CST9: variants seen among roughly 807,000 people sequenced by gnomAD.
CST9 encodes cystatin-9.
In CST9, 11 loss-of-function variants were observed where a neutral mutation model predicts 7.7. The ratio of observed to expected loss-of-function variants is 1.44; its 90% confidence interval spans 0.90 to 2.38. The LOEUF (loss-of-function observed/expected upper bound fraction) is 2.38. Among genes scored for constraint, CST9 ranks in the 30% most tolerant of loss-of-function variants. The pLI is 0.00. For synonymous variants in CST9, 71 were observed against 74.3 expected, an observed-to-expected ratio of 0.96 and a Z score of 0.23; for missense variants, 214 against 199.1, an observed-to-expected ratio of 1.07 and a Z score of -0.45.
At chr20:23,605,574 GAGA>G in intron 1 of CST9, 33 bp downstream of exon 1, 1 of 1,600,352 alleles carries the variant, frequency 6.2e-7, no homozygotes, top group African/African-American at 1.3e-5. Context: ...GGGGCAGATG[GAGA>G]AGGACAGGCC....
Position 23,605,601 on chromosome 20 carries a change from G to T in CST9, c.255+9C>A. On this transcript the variant is annotated intron_variant, in intron 1 of 1. Coordinates refer to ENST00000376971, the MANE Select transcript of CST9 (RefSeq NM_001008693.3). Reference sequence around the variant, plus strand: ...GAAGGACAGGCCAGAAGAGGATGTGGTCACCAACCTTTCTGTCCATGCTAT... The same window carrying T: ...GAAGGACAGGCCAGAAGAGGATGTGTTCACCAACCTTTCTGTCCATGCTAT... 1 of 1,613,124 alleles carries T rather than the reference G, an allele frequency of 6.2e-7. No individual in the cohort carries two copies. Among genetic ancestry groups the T allele is most frequent in the Non-Finnish European group, 8.5e-7 (1 of 1,179,392 alleles).
At position 23,603,449 on chromosome 20, in the gene CST9, T is replaced by A; in HGVS notation, c.*61A>T. On this transcript the variant is annotated 3_prime_UTR_variant, in exon 2 of 2. Transcript: ENST00000376971. ...CCTGAAAGTGAACCCCTGGGCTTAA[T>A]GCCTCACTGGGCTTCCCACTAAGGC... 1 of 1,579,006 alleles carries A rather than the reference T, an allele frequency of 6.3e-7. No individual in the cohort carries two copies. Among genetic ancestry groups the A allele is most frequent in the South Asian group, 1.2e-5 (1 of 86,616 alleles).
Position 23,605,705 on chromosome 20 carries a change from C to A in CST9, c.160G>T (p.Ala54Ser), listed in dbSNP as rs768353296. The change falls in exon 1 of 2, where the codon GCC becomes TCC. Residue 54 changes from alanine to serine, a missense_variant. Ala to Ser is a moderately conservative substitution (Grantham distance 99). Transcript: ENST00000376971. ...DPMFLATVEFALNTFNVQSKE... is the reference protein window; with the variant it reads ...DPMFLATVEFSLNTFNVQSKE... The stretch of plus-strand genomic sequence containing the variant: ...CTCTGCACGTTGAAAGTGTTCAAGG[C>A]AAACTCCACTGTGGCGAGGAACATA... The A allele has an allele frequency of 2.5e-6, 4 of 1,614,204 alleles. No individual in the cohort carries two copies. The highest frequency in any genetic ancestry group is 1.1e-5 in the South Asian group (1 of 91,086).
chr20:23,604,505 C>G (rs768340439), intron 1 of CST9, among the ~76,000 whole-genome samples: 1 of 152,204 alleles, frequency 6.6e-6, no homozygotes, highest in African/African-American at 2.4e-5. Flanking sequence ...AGAATGGAGG[C>G]TTACACTGAG....
chr20:23,603,620 C>G lies in CST9; in HGVS notation c.370G>C (p.Val124Leu). The G allele has an allele frequency of 1.2e-6, 2 of 1,614,194 alleles. No homozygotes were observed. The highest frequency in any genetic ancestry group is 1.7e-6 in the Non-Finnish European group (2 of 1,180,034). Reference protein sequence around the residue: ...PFQESLELNNVRQGISFPQVH... With the variant: ...PFQESLELNNLRQGISFPQVH... ...TGAGGAAAGCTGATGCCCTGTCTTA[C>G]GTTGTTCAGCTCCAGGCTTTCTTGA... Residue 124 changes from valine to leucine, a missense_variant, in exon 2 of 2, where the codon GTA becomes CTA. By Grantham distance (32) the Val-to-Leu change is conservative. Coordinates refer to ENST00000376971, the MANE Select transcript of CST9 (RefSeq NM_001008693.3).
Position 23,602,915 on chromosome 20 carries a change from T to A in CST9, c.*595A>T, listed in dbSNP as rs1159196089. Reference sequence around the variant, plus strand: ...ACAACGTGATTTGAGGCTCCCTCCCTCCTTAGCCAGGGTCACTTGTGCCAT... The same window carrying A: ...ACAACGTGATTTGAGGCTCCCTCCCACCTTAGCCAGGGTCACTTGTGCCAT... On this transcript the variant is annotated 3_prime_UTR_variant, in exon 2 of 2. Transcript: ENST00000376971. 1 of 988,388 alleles carries A rather than the reference T, an allele frequency of 1.0e-6. No individual in the cohort carries two copies. Among genetic ancestry groups the A allele is most frequent in the Non-Finnish European group, 1.2e-6 (1 of 832,270 alleles). 61.2% of individuals were successfully genotyped at this position (988,388 alleles called of 1,614,324 possible).
chr20:23,605,866 A>T lies in CST9; in HGVS notation c.-2T>A. The T allele has an allele frequency of 6.2e-7, 1 of 1,613,976 alleles. No individual in the cohort carries two copies. The highest frequency in any genetic ancestry group is 8.5e-7 in the Non-Finnish European group (1 of 1,179,982). On this transcript the variant is annotated 5_prime_UTR_variant, in exon 1 of 2. Transcript: ENST00000376971. ...CTTCCTCCTCTGCGGACTCGACATG[A>T]TGCAGGCTCCAGCAGCCCTTGCCTT... is the stretch of plus-strand genomic sequence containing the variant.
Position 23,602,938 on chromosome 20 carries a change from C to T in CST9, c.*572G>A. The T allele has an allele frequency of 3.0e-6, 3 of 989,084 alleles. No homozygotes were observed. 61.3% of individuals were successfully genotyped at this position (989,084 alleles called of 1,614,324 possible). ...CCTCCTTAGCCAGGGTCACTTGTGC[C>T]ATGCCTCCTCCTCCAGCCCGTGCCC... On this transcript the variant is annotated 3_prime_UTR_variant, in exon 2 of 2. Coordinates refer to ENST00000376971, the MANE Select transcript of CST9 (RefSeq NM_001008693.3).
Position 23,603,725 on chromosome 20 carries a change from T to C in CST9, c.265A>G (p.Lys89Glu), listed in dbSNP as rs969902910. The change falls in exon 2 of 2, where the codon AAG becomes GAG. Residue 89 changes from lysine to glutamate, a missense_variant. Lys to Glu is a moderately conservative substitution (Grantham distance 56, BLOSUM62 1). Transcript: ENST00000376971. ...TGCAGATTCATGGAGAACACCATCT[T>C]ACCTCGCCACTGTTGGACAAAAGAA... The part of the protein sequence containing the change: ...EDSMDRKWRG[K>E]MVFSMNLQLR... The C allele has an allele frequency of 1.9e-6, 3 of 1,614,234 alleles. No individual in the cohort carries two copies. The highest frequency in any genetic ancestry group is 1.7e-6 in the Non-Finnish European group (2 of 1,180,028).
At chr20:23,604,111 A>G (rs1447685129) in intron 1 of CST9, among the ~76,000 whole-genome samples, 1 of 152,142 alleles carries the variant, frequency 6.6e-6, no homozygotes, top group South Asian at 2.1e-4. Flanking sequence ...TTGGATCTCC[A>G]AGAGTTTTCA....
intron 1 of CST9, among the ~76,000 whole-genome samples, 172 bp downstream of exon 1, chr20:23,605,438 T>TA (rs760632391): frequency 2.6e-5 from 4 of 152,260 alleles, no homozygotes; most frequent in South Asian, 4.1e-4. Context: ...TTACCTAATT[T>TA]AAAAAAAATT....
intron 1 of CST9, 130 bp downstream of exon 1, chr20:23,605,480 C>T (rs1411668198): frequency 3.8e-6 from 4 of 1,044,504 alleles, no homozygotes; most frequent in African/African-American, 3.2e-5. Context: ...ACTAAAACTA[C>T]CGTAATTGGT....
At chr20:23,604,107 C>T (rs553458355) in intron 1 of CST9, among the ~76,000 whole-genome samples, 4 of 152,300 alleles carry the variant, frequency 2.6e-5, no homozygotes, top group African/African-American at 9.6e-5. Context: ...GGTGTTGGAT[C>T]TCCAAGAGTT....
In CST9 at chr20:23,605,667, A is replaced by C; in HGVS notation, c.198T>G (p.His66Gln). The C allele has an allele frequency of 6.2e-7, 1 of 1,614,168 alleles. No homozygotes were observed. The highest frequency in any genetic ancestry group is 8.5e-7 in the Non-Finnish European group (1 of 1,180,018). The part of the protein sequence containing the change: ...NTFNVQSKEE[H>Q]AYRLLRVLSS... Reference sequence around the variant, plus strand: ...TCAGGACGCGCAACAGCCTGTAGGCATGCTCCTCCTTGCTCTGCACGTTGA... The same window carrying C: ...TCAGGACGCGCAACAGCCTGTAGGCCTGCTCCTCCTTGCTCTGCACGTTGA... The change falls in exon 1 of 2, where the codon CAT becomes CAG. Residue 66 changes from histidine to glutamine, a missense_variant. Transcript: ENST00000376971.
chr20:23,604,313 C>G (rs1309850780), intron 1 of CST9, among the ~76,000 whole-genome samples: 1 of 152,196 alleles, frequency 6.6e-6, no homozygotes, highest in Admixed American at 6.5e-5. Flanking sequence ...TGCCCTCCTT[C>G]CCACTCCATT....
rs1443827337 is a variant in CST9 at position 23,603,701 on chromosome 20, G to T, written c.289C>A (p.Gln97Lys). ...TTCCTACATACGGTTTGGCGCAGTT[G>T]CAGATTCATGGAGAACACCATCTTA... Reference protein sequence around the residue: ...RGKMVFSMNLQLRQTVCRKFE... With the variant: ...RGKMVFSMNLKLRQTVCRKFE... The change falls in exon 2 of 2, where the codon CAA (glutamine) becomes AAA (lysine). Residue 97 changes from glutamine to lysine, a missense_variant. Coordinates refer to ENST00000376971, the MANE Select transcript of CST9 (RefSeq NM_001008693.3). 8 of 1,614,252 alleles carry T rather than the reference G, an allele frequency of 5.0e-6. No homozygotes were observed. The highest frequency in any genetic ancestry group is 6.8e-6 in the Non-Finnish European group (8 of 1,180,054).
At chr20:23,603,755 A>G in intron 1 of CST9, 21 bp from the exon 2 acceptor site, 1 of 1,612,606 alleles carries the variant, frequency 6.2e-7, no homozygotes, top group Non-Finnish European at 8.5e-7. Context: ...AAAGAAGATT[A>G]AAGTGGATGC....
rs1289799291 is a variant in CST9, at chr20:23,603,342, G to A, written c.*168C>T. Reference sequence around the variant, plus strand: ...AGTGGGGAGGAAGACCAGAGAGAAGGTTCTGAAGGCCATGTGGCCCAGGTG... The same window carrying A: ...AGTGGGGAGGAAGACCAGAGAGAAGATTCTGAAGGCCATGTGGCCCAGGTG... On this transcript the variant is annotated 3_prime_UTR_variant, in exon 2 of 2. Transcript: ENST00000376971. The A allele has an allele frequency of 6.9e-7, 1 of 1,440,082 alleles. No homozygotes were observed. The highest frequency in any genetic ancestry group is 1.4e-5 in the African/African-American group (1 of 69,728). 89.2% of individuals were successfully genotyped at this position (1,440,082 alleles called of 1,614,324 possible). A position where few individuals can be genotyped will look rare whatever the true frequency, so the allele number is the denominator to read the frequency against.
intron 1 of CST9, among the ~76,000 whole-genome samples, chr20:23,604,047 A>G (rs2122408263): frequency 6.6e-6 from 1 of 152,184 alleles, no homozygotes; most frequent in East Asian, 1.9e-4. Context: ...CTCAGTAGGC[A>G]TCTGATCTTG....
Sources: allele counts gnomAD v4.1 joint callset (sites outside exome capture counted in the v4.1 genomes callset), GRCh38; gene constraint gnomAD v4.1.1; transcripts MANE v1.5; gene names NCBI Gene and HGNC (gene_info 2026-07-23, HGNC 2026-07-21).